ADGRG5: variants seen among roughly 807,000 people sequenced by gnomAD.
ADGRG5 encodes G protein-coupled receptor 114.
In ADGRG5, 37 loss-of-function variants were observed where a neutral mutation model predicts 53.2. The observed-to-expected ratio is 0.70, with a 90% CI of 0.53 to 0.91. ADGRG5 has a LOEUF of 0.91. ADGRG5 is among the 40% of genes least tolerant of loss of function. The pLI is 0.00. For synonymous variants in ADGRG5, 277 were observed against 290.4 expected (o/e 0.95, Z 0.47); for missense variants, 614 against 675.8 (o/e 0.91, Z 1.01).
In ADGRG5 at chr16:57,574,839, G is replaced by A. The variant is rs2063148139; in HGVS notation, c.1233G>A (p.Val411=). The change falls in exon 11 of 12, where the codon GTG becomes GTA. Residue 411 remains valine, a synonymous_variant. Coordinates refer to ENST00000349457, the MANE Select transcript of ADGRG5 (RefSeq NM_001304376.3). The surrounding 1 kb of genome is among the most constrained non-coding windows in gnomAD (Gnocchi z 4.4). ...MSICWVRSPV[V]HSVLVMGYGG... ...GATGCTGGGTGCGGAGCCCCGTGGT[G>A]CACAGTGTCCTGGTCATGGGCTACG... is the stretch of plus-strand genomic sequence containing the variant. 4 of 1,599,634 alleles carry A rather than the reference G, an allele frequency of 2.5e-6. No individual in the cohort carries two copies. Among genetic ancestry groups the A allele is most frequent in the Non-Finnish European group, 3.4e-6 (4 of 1,171,478 alleles).
At chr16:57,567,822 C>T in intron 8 of ADGRG5, 34 bp from the exon 9 acceptor site, 1 of 1,590,960 alleles carries the variant, frequency 6.3e-7, no homozygotes, top group Non-Finnish European at 8.5e-7. Context: ...GGGTGATGTC[C>T]CTGGGCCATG....
intron 2 of ADGRG5, 81 bp downstream of exon 2, chr16:57,562,238 G>A: frequency 6.7e-7 from 1 of 1,491,612 alleles, no homozygotes; most frequent in Non-Finnish European, 9.2e-7. Flanking sequence ...GTCAAACCAT[G>A]GGAGATTGAA....
chr16:57,544,514 T>A (rs2032569907), intron 1 of ADGRG5, among the ~76,000 whole-genome samples: 1 of 152,190 alleles, frequency 6.6e-6, no homozygotes, highest in Non-Finnish European at 1.5e-5. Context: ...CCTCAATTTC[T>A]TCAGTTGTGT....
At chr16:57,532,742 G>A in the ADGRG5 span, among the ~76,000 whole-genome samples, 1 of 150,076 alleles carries the variant, frequency 6.7e-6, no homozygotes, top group Non-Finnish European at 1.5e-5. Context: ...CACAGAGGCA[G>A]ACACACACAC....
chr16:57,545,718 A>G (rs2032600327), intron 1 of ADGRG5, among the ~76,000 whole-genome samples: 1 of 152,244 alleles, frequency 6.6e-6, no homozygotes, highest in Admixed American at 6.5e-5. Context: ...GTTACAGTTT[A>G]TTTAATTAGT....
intron 9 of ADGRG5, 112 bp downstream of exon 9, chr16:57,568,236 C>A: frequency 9.2e-7 from 1 of 1,087,978 alleles, no homozygotes; most frequent in Non-Finnish European, 1.4e-6. Context: ...CATTACATGA[C>A]CACCAGCTGT....
At chr16:57,538,608 A>G (rs1356236982), upstream of ADGRG5, among the ~76,000 whole-genome samples, 1 of 152,154 alleles carries the variant, frequency 6.6e-6, no homozygotes, top group Non-Finnish European at 1.5e-5. Context: ...TCTTTCTAGA[A>G]CAACACCCCC....
upstream of ADGRG5, among the ~76,000 whole-genome samples, chr16:57,540,085 A>G (rs529572073): frequency 6.6e-6 from 1 of 152,088 alleles, no homozygotes; most frequent in South Asian, 2.1e-4. Flanking sequence ...TCTACTAAAA[A>G]TACAAAAATT....
chr16:57,530,633 C>T, the ADGRG5 span, among the ~76,000 whole-genome samples: 1 of 152,070 alleles, frequency 6.6e-6, no homozygotes, highest in Admixed American at 6.5e-5. Flanking sequence ...TCAAGCCCCA[C>T]GGCCCCCTCC....
chr16:57,549,626 G>T (rs2032700937), intron 1 of ADGRG5, among the ~76,000 whole-genome samples: 1 of 152,124 alleles, frequency 6.6e-6, no homozygotes, highest in Admixed American at 6.5e-5. Context: ...CATTTTGACA[G>T]ATGTGTACAG....
chr16:57,571,612 G>A (rs746984643), intron 10 of ADGRG5, among the ~76,000 whole-genome samples: 4 of 151,840 alleles, frequency 2.6e-5, no homozygotes, highest in Non-Finnish European at 5.9e-5. Flanking sequence ...TAGAGGCTCT[G>A]GCCTCAGTTT....
At position 57,575,223 on chromosome 16, in the gene ADGRG5, C is replaced by G. The variant is rs563544981; in HGVS notation, c.1486+131C>G. ...AACATCCAGCCCACAGCTCCACTAG[C>G]TAAGCTGGTGGGGGCTACATCTGCA... On this transcript the variant is annotated intron_variant, in intron 11 of 11. Coordinates refer to ENST00000349457, the MANE Select transcript of ADGRG5 (RefSeq NM_001304376.3). 6.7e-5 allele frequency: 74 copies of G among 1,106,992 alleles called. No homozygotes were observed. In the African/African-American group the frequency reaches 1.0e-3, roughly 15 times the overall value. The allele number at this position is 1,106,992 out of a possible 1,614,324, so 68.6% of individuals were successfully genotyped here.
chr16:57,567,371 G>A, intron 7 of ADGRG5, 99 bp from the exon 8 acceptor site: 1 of 1,372,798 alleles, frequency 7.3e-7, no homozygotes, highest in Non-Finnish European at 9.9e-7. Flanking sequence ...TTGTGGGGAA[G>A]GGGACTTGGA....
At chr16:57,533,295 C>T in the ADGRG5 span, among the ~76,000 whole-genome samples, 1 of 151,974 alleles carries the variant, frequency 6.6e-6, no homozygotes, top group African/African-American at 2.4e-5. Flanking sequence ...GGGTGGGGGT[C>T]GGGGTCCTCA....
chr16:57,556,713 G>T (rs2032890085), intron 1 of ADGRG5, among the ~76,000 whole-genome samples: 3 of 151,932 alleles, frequency 2.0e-5, no homozygotes, highest in Non-Finnish European at 4.4e-5. Context: ...TAAAACCAAG[G>T]TAATTTATTT....
At chr16:57,568,379 C>T (rs538219806) in intron 9 of ADGRG5, among the ~76,000 whole-genome samples, 4 of 151,406 alleles carry the variant, frequency 2.6e-5, no homozygotes, top group African/African-American at 9.7e-5. Flanking sequence ...ATCACCTCCT[C>T]CACCTCCTCC....
At position 57,563,266 on chromosome 16, in the gene ADGRG5, G is replaced by C. The variant is rs775003623; in HGVS notation, c.297+19G>C. On this transcript the variant is annotated intron_variant, in intron 4 of 11. Coordinates refer to ENST00000349457, the MANE Select transcript of ADGRG5 (RefSeq NM_001304376.3). ...GCCCCAGGTCAGAGGCTGCGGGTTG[G>C]GGGGTGTGGCCAGCTGCCCCGCCCT... 2.5e-6 allele frequency: 4 copies of C among 1,611,480 alleles called. No homozygotes were observed. The highest frequency in any genetic ancestry group is 2.2e-5 in the East Asian group (1 of 44,874).
At chr16:57,573,949 T>C (rs2033434775) in intron 10 of ADGRG5, among the ~76,000 whole-genome samples, 1 of 152,174 alleles carries the variant, frequency 6.6e-6, no homozygotes, top group African/African-American at 2.4e-5. Flanking sequence ...CTCCAACTCC[T>C]GACCTCAAGT....
rs1596778897 is a variant in ADGRG5 at position 57,553,385 on chromosome 16, T to G, written c.-38-8671T>G. ...AGATATGGATTCAAGATGGCTTTTT[T>G]GTTGGCATGAGATATCCAATTGTTC... On this transcript the variant is annotated intron_variant, in intron 1 of 11. Coordinates refer to ENST00000349457, the MANE Select transcript of ADGRG5 (RefSeq NM_001304376.3). 2.0e-5 allele frequency among the ~76,000 whole-genome samples: 3 copies of G among 152,276 alleles called. No homozygotes were observed. The South Asian group carries it at 6.2e-4, about 32-fold the overall frequency.
Sources: allele counts gnomAD v4.1 joint callset (sites outside exome capture counted in the v4.1 genomes callset), GRCh38; gene constraint gnomAD v4.1.1; non-coding constraint Gnocchi (gnomAD v3.1); transcripts MANE v1.5; gene names NCBI Gene and HGNC (gene_info 2026-07-23, HGNC 2026-07-21).